Variants in TRERF1 observed in about 807,000 individuals in gnomAD.
TRERF1 encodes the protein transcriptional-regulating factor 1.
TRERF1 carries 27 observed loss-of-function variants against 122.9 expected under a neutral mutation model. That is an observed-to-expected ratio of 0.22 (90% CI 0.16 to 0.30). The LOEUF (loss-of-function observed/expected upper bound fraction) is 0.30. Ranked by LOEUF, TRERF1 falls within the 10% of genes least tolerant of loss-of-function variation. The pLI is 1.00. For synonymous variants in TRERF1, 636 were observed against 641.7 expected, an observed-to-expected ratio of 0.99 and a Z score of 0.13; for missense variants, 1,248 against 1,560.3, an observed-to-expected ratio of 0.80 and a Z score of 3.37.
At chr6:42,284,913 A>G (rs1486680103) in intron 4 of TRERF1, among the ~76,000 whole-genome samples, 1 of 152,166 alleles carries the variant, frequency 6.6e-6, no homozygotes, top group Non-Finnish European at 1.5e-5. Flanking sequence ...TGGTGCTCAG[A>G]GCCAAGCTGT....
At position 42,397,673 on chromosome 6, in the gene TRERF1, CAGA is replaced by C. The variant is rs200350789; in HGVS notation, c.-453-34597_-453-34595del. The stretch of plus-strand genomic sequence containing the variant: ...CCAATAAAAACCCCACTCTATTAAA[CAGA>C]AGGACACCCAGCCAATTGTGCCAGC... On this transcript the variant is annotated intron_variant, in intron 2 of 17. Coordinates refer to ENST00000372922, the Ensembl canonical transcript of TRERF1. Among the ~76,000 whole-genome samples the C allele has an allele frequency of 5.2e-3, 790 of 152,312 alleles. 3 individuals are homozygous for C. The highest frequency in any genetic ancestry group is 0.017 in the African/African-American group (725 of 41,566).
intron 3 of TRERF1, among the ~76,000 whole-genome samples, chr6:42,360,172 C>T (rs1365148665): frequency 1.3e-5 from 2 of 152,194 alleles, no homozygotes; most frequent in East Asian, 3.9e-4. Context: ...CTGGGCTAAG[C>T]GCTTGACTCA....
At chr6:42,262,601 C>CACAGAGAGAG (rs1778365930) in intron 8 of TRERF1, among the ~76,000 whole-genome samples, 1 of 59,132 alleles carries the variant, frequency 1.7e-5, no homozygotes, top group Admixed American at 1.7e-4. Flanking sequence ...GAGAGAGAGA[C>CACAGAGAGAG]AGACAGACGG....
chr6:42,257,437 G>A (rs908332503), intron 10 of TRERF1, among the ~76,000 whole-genome samples: 5 of 152,152 alleles, frequency 3.3e-5, no homozygotes, highest in African/African-American at 1.2e-4. Flanking sequence ...CAAAAAAGGG[G>A]ACAAATACAA....
chr6:42,370,097 G>A (rs1773495468), intron 2 of TRERF1, among the ~76,000 whole-genome samples: 2 of 152,236 alleles, frequency 1.3e-5, no homozygotes, highest in South Asian at 4.1e-4. Flanking sequence ...TGCCTCTGAG[G>A]AGCAGAATTA....
At position 42,263,844 on chromosome 6, in the gene TRERF1, T is replaced by C. The variant is rs1459753148; in HGVS notation, c.1636-276A>G. Among the ~76,000 whole-genome samples, 1 of 152,244 alleles carries C rather than the reference T, an allele frequency of 6.6e-6. No individual in the cohort carries two copies. Among genetic ancestry groups the C allele is most frequent in the African/African-American group, 2.4e-5 (1 of 41,468 alleles). ...AAAAATTGTGTGGTTGTCATGCTTT[T>C]AAAGAAAGGGACACGGACTTGTAAT... is the stretch of plus-strand genomic sequence containing the variant. On this transcript the variant is annotated intron_variant, in intron 7 of 17. Transcript: ENST00000372922. The surrounding 1 kb of genome is among the most constrained non-coding windows in gnomAD (Gnocchi z 5.6).
intron 4 of TRERF1, among the ~76,000 whole-genome samples, chr6:42,288,497 G>A (rs36147311): frequency 0.027 from 4,096 of 151,302 alleles, 56 homozygotes; most frequent in Non-Finnish European, 0.036. Context: ...GAATCCAGGA[G>A]GTGGAGGTTG....
intron 2 of TRERF1, among the ~76,000 whole-genome samples, chr6:42,381,083 T>C (rs1775830136): frequency 6.6e-6 from 1 of 152,064 alleles, no homozygotes; most frequent in Non-Finnish European, 1.5e-5. Flanking sequence ...CTGGAGAACA[T>C]GAACTGTTGC....
At chr6:42,382,204 C>A (rs921036860) in intron 2 of TRERF1, among the ~76,000 whole-genome samples, 2 of 151,408 alleles carry the variant, frequency 1.3e-5, no homozygotes, top group Admixed American at 6.6e-5. Context: ...TGGAAGGCCA[C>A]CCAGGGATGG....
intron 2 of TRERF1, among the ~76,000 whole-genome samples, chr6:42,417,434 A>G (rs556221362): frequency 3.9e-5 from 6 of 152,272 alleles, no homozygotes; most frequent in Admixed American, 1.3e-4. Flanking sequence ...GGCACCTGTT[A>G]TACACCGGTC....
At chr6:42,414,186 A>T (rs1234603664) in intron 2 of TRERF1, among the ~76,000 whole-genome samples, 1 of 152,256 alleles carries the variant, frequency 6.6e-6, no homozygotes, top group Non-Finnish European at 1.5e-5. Context: ...AAAAACAACC[A>T]AGGGGAAAGC....
At chr6:42,364,846 G>A (rs1253961867) in intron 2 of TRERF1, among the ~76,000 whole-genome samples, 2 of 152,214 alleles carry the variant, frequency 1.3e-5, no homozygotes, top group Non-Finnish European at 2.9e-5. Flanking sequence ...AGGCTGAGGG[G>A]TGTGAAGGGC....
intron 14 of TRERF1, among the ~76,000 whole-genome samples, chr6:42,246,012 G>A (rs1774735776): frequency 6.6e-6 from 1 of 152,212 alleles, no homozygotes; most frequent in Non-Finnish European, 1.5e-5. Flanking sequence ...AGAGACTGAG[G>A]CAAGAGAATC....
chr6:42,243,274 G>T lies in TRERF1; in HGVS notation c.2833C>A (p.Leu945Met), dbSNP rs756207323. The change falls in exon 15 of 18, where the codon CTG (leucine) becomes ATG (methionine). Residue 945 changes from leucine to methionine, a missense_variant. Transcript: ENST00000372922. ...ACACAATCGTCGATGATTTCTGCCA[G>T]GCGTGTCCGGTGTTTCCGCCCCAGC... 2.5e-5 allele frequency: 41 copies of T among 1,613,988 alleles called. 2 individuals carry two copies. In the South Asian group the frequency reaches 4.3e-4, roughly 17 times the overall value.
chr6:42,325,365 A>C (rs1238682157), intron 3 of TRERF1, among the ~76,000 whole-genome samples: 1 of 152,224 alleles, frequency 6.6e-6, no homozygotes, highest in Non-Finnish European at 1.5e-5. Context: ...CAAAGAACTA[A>C]AAATATAACT....
intron 3 of TRERF1, among the ~76,000 whole-genome samples, chr6:42,362,370 G>A (rs750070004): frequency 5.9e-5 from 9 of 152,170 alleles, no homozygotes; most frequent in African/African-American, 1.2e-4. Flanking sequence ...CCCCACTGTC[G>A]CCAAGAATGT....
intron 3 of TRERF1, among the ~76,000 whole-genome samples, chr6:42,360,679 C>A (rs567056537): frequency 6.6e-6 from 1 of 151,130 alleles, no homozygotes; most frequent in South Asian, 2.1e-4. Context: ...CTCTACACAC[C>A]CCCAGCCTCC....
chr6:42,237,941 C>T (rs1772637993), intron 15 of TRERF1, among the ~76,000 whole-genome samples: 2 of 152,288 alleles, frequency 1.3e-5, no homozygotes, highest in African/African-American at 4.8e-5. Flanking sequence ...CATTGGTAAA[C>T]AGGATTAATT....
At chr6:42,252,055 G>A (rs1169665843) in intron 13 of TRERF1, among the ~76,000 whole-genome samples, 1 of 152,236 alleles carries the variant, frequency 6.6e-6, no homozygotes, top group East Asian at 1.9e-4. Context: ...CACATGGGTG[G>A]GAAGGTGCTG....
Sources: allele counts gnomAD v4.1 joint callset (sites outside exome capture counted in the v4.1 genomes callset), GRCh38; gene constraint gnomAD v4.1.1; non-coding constraint Gnocchi (gnomAD v3.1); transcripts MANE v1.5; gene names NCBI Gene and HGNC (gene_info 2026-07-23, HGNC 2026-07-21).